The following FBXO16 variants were observed in gnomAD, a reference collection of about 807,000 sequenced individuals.
The protein encoded by FBXO16 is F-box protein 16.
FBXO16 carries 31 observed loss-of-function variants against 41.0 expected under a neutral mutation model. The ratio of observed to expected loss-of-function variants is 0.76; its 90% confidence interval spans 0.57 to 1.02. The LOEUF (loss-of-function observed/expected upper bound fraction) is 1.02, where lower values mean the gene tolerates loss of function less well. Among genes scored for constraint, FBXO16 ranks in the 50% least tolerant of loss-of-function variants. The pLI is 0.00. For missense variants in FBXO16, 361 were observed against 346.2 expected (o/e 1.04, Z -0.34); for synonymous variants, 133 against 117.8 (o/e 1.13, Z -0.84).
chr8:28,463,475 CATTTGTGTGT>C, intron 4 of FBXO16, 127 bp downstream of exon 4: 2 of 800,178 alleles, frequency 2.5e-6, no homozygotes, highest in Non-Finnish European at 4.0e-6. Context: ...TCTAAGTGTA[CATTTGTGTGT>C]GTTTGTGTGT....
intron 2 of FBXO16, among the ~76,000 whole-genome samples, chr8:28,474,536 A>G (rs141211478): frequency 0.01 from 1,586 of 152,228 alleles, 24 homozygotes; most frequent in African/African-American, 0.036. Context: ...TTCAATATTA[A>G]TAGTATGAGA....
At chr8:28,459,552 G>A (rs1207292601) in intron 4 of FBXO16, among the ~76,000 whole-genome samples, 3 of 150,838 alleles carry the variant, frequency 2.0e-5, no homozygotes, top group Non-Finnish European at 4.4e-5. Context: ...CGGGGTGGGC[G>A]GAGGTTGCAG....
At chr8:28,434,266 T>C (rs1470711447) in intron 7 of FBXO16, among the ~76,000 whole-genome samples, 1 of 152,138 alleles carries the variant, frequency 6.6e-6, no homozygotes, top group African/African-American at 2.4e-5. Flanking sequence ...TGGCCCCTGA[T>C]TGATTTTTTT....
At chr8:28,441,451 T>C (rs1330694113) in intron 7 of FBXO16, among the ~76,000 whole-genome samples, 1 of 152,158 alleles carries the variant, frequency 6.6e-6, no homozygotes, top group Non-Finnish European at 1.5e-5. Flanking sequence ...ATTAAAAATA[T>C]AGGGCTGGGC....
chr8:28,459,273 ATAT>A (rs1214622439), intron 4 of FBXO16, among the ~76,000 whole-genome samples: 5 of 152,280 alleles, frequency 3.3e-5, no homozygotes, highest in African/African-American at 1.2e-4. Context: ...TTTATTTTAA[ATAT>A]TATAGTATCT....
intron 4 of FBXO16, among the ~76,000 whole-genome samples, chr8:28,463,315 T>G (rs1226168549): frequency 6.6e-6 from 1 of 152,084 alleles, no homozygotes; most frequent in Non-Finnish European, 1.5e-5. Context: ...TGTGTGTGTG[T>G]GTATATGTGT....
chr8:28,455,568 C>T (rs1216054501), intron 5 of FBXO16: 2 of 152,160 alleles, frequency 1.3e-5, no homozygotes, highest in East Asian at 1.9e-4. Flanking sequence ...AAACTCACAA[C>T]TTCTTTTCAT....
chr8:28,474,618 G>T (rs548462302), intron 2 of FBXO16, among the ~76,000 whole-genome samples: 1 of 152,174 alleles, frequency 6.6e-6, no homozygotes, highest in Non-Finnish European at 1.5e-5. Context: ...GATGTGATAA[G>T]TACTCACATA....
intron 6 of FBXO16, among the ~76,000 whole-genome samples, chr8:28,448,733 T>C (rs1255763915): frequency 1.3e-5 from 2 of 152,222 alleles, no homozygotes; most frequent in Non-Finnish European, 2.9e-5. Flanking sequence ...CTAAAACTCC[T>C]GTATGTATTA....
chr8:28,429,306 A>T, intron 8 of FBXO16, 72 bp downstream of exon 8: 1 of 1,534,760 alleles, frequency 6.5e-7, no homozygotes. Flanking sequence ...TACACTCTCC[A>T]TTAATCAATA....
At chr8:28,489,451 G>A (rs1803653599) in intron 1 of FBXO16, among the ~76,000 whole-genome samples, 2 of 151,024 alleles carry the variant, frequency 1.3e-5, no homozygotes, top group African/African-American at 4.9e-5. Flanking sequence ...GAGGCAGGAG[G>A]ATCTCTTGAG....
intron 7 of FBXO16, among the ~76,000 whole-genome samples, chr8:28,432,189 C>A (rs976036801): frequency 6.6e-6 from 1 of 150,632 alleles, no homozygotes; most frequent in Non-Finnish European, 1.5e-5. Context: ...AATCAATACA[C>A]GAGGCCGGGT....
chr8:28,456,124 TC>T (rs1254185366), intron 5 of FBXO16, among the ~76,000 whole-genome samples: 4 of 152,190 alleles, frequency 2.6e-5, no homozygotes. Flanking sequence ...CATAAAATTT[TC>T]CCATAAATTA....
chr8:28,462,088 C>T (rs894929677), intron 4 of FBXO16, among the ~76,000 whole-genome samples: 2 of 151,830 alleles, frequency 1.3e-5, no homozygotes, highest in Admixed American at 6.6e-5. Flanking sequence ...CACAGGCACA[C>T]GTCACCACAC....
Position 28,454,503 on chromosome 8 carries a change from C to T in FBXO16, c.508-2027G>A, listed in dbSNP as rs1055678301. Among the ~76,000 whole-genome samples the T allele has an allele frequency of 7.3e-5, 11 of 151,342 alleles. 1 individual carries two copies. Among genetic ancestry groups the T allele is most frequent in the South Asian group, 2.1e-4 (1 of 4,808 alleles). ...CAGCACTTTGGGAGGCCGAGGCGGG[C>T]GGATCACGAGGTCAGAAGATCGAGA... On this transcript the variant is annotated intron_variant, in intron 5 of 8. Transcript: ENST00000380254.
intron 2 of FBXO16, among the ~76,000 whole-genome samples, chr8:28,477,716 T>C (rs1179848357): frequency 6.6e-6 from 1 of 152,152 alleles, no homozygotes; most frequent in African/African-American, 2.4e-5. Context: ...ATATAACTCT[T>C]TGGGAAAAAC....
intron 7 of FBXO16, among the ~76,000 whole-genome samples, chr8:28,435,301 G>T (rs1400235952): frequency 1.3e-5 from 2 of 152,016 alleles, no homozygotes; most frequent in African/African-American, 4.8e-5. Context: ...CTCCCGAGTA[G>T]CTGGGATTAC....
At position 28,466,174 on chromosome 8, in the gene FBXO16, G is replaced by A. The variant is rs561168984; in HGVS notation, c.136-2356C>T. 1.1e-4 allele frequency among the ~76,000 whole-genome samples: 16 copies of A among 152,194 alleles called. 1 individual carries two copies. In the South Asian group the frequency reaches 3.3e-3, roughly 32 times the overall value. The stretch of plus-strand genomic sequence containing the variant: ...GAATCGCTTGAACCCAGGAGGCGGA[G>A]GTTGCGGAGTGCTATTGCACTCCAG... On this transcript the variant is annotated intron_variant, in intron 3 of 8. Coordinates refer to ENST00000380254, the MANE Select transcript of FBXO16 (RefSeq NM_172366.4).
intron 3 of FBXO16, 54 bp from the exon 4 acceptor site, chr8:28,463,872 C>A: frequency 6.6e-7 from 1 of 1,523,768 alleles, no homozygotes. Flanking sequence ...AGTCTGATAG[C>A]AGATTCATTA....
Sources: gnomAD v4.1 joint callset for allele counts (sites outside exome capture counted in the v4.1 genomes callset) on GRCh38, gnomAD v4.1.1 for gene constraint, MANE v1.5 for transcripts, NCBI Gene and HGNC (gene_info 2026-07-23, HGNC 2026-07-21) for gene names.